Variants in DISP3 observed in about 807,000 individuals in gnomAD.
DISP3 encodes protein dispatched homolog 3.
In DISP3, 101 loss-of-function variants were observed where a neutral mutation model predicts 135.3. The observed-to-expected ratio is 0.75, with a 90% CI of 0.64 to 0.88. The LOEUF (loss-of-function observed/expected upper bound fraction) is 0.88. DISP3 is among the 40% of genes least tolerant of loss of function. DISP3 has a pLI of 0.00. For missense variants in DISP3, 1,713 were observed against 1,878.6 expected, an observed-to-expected ratio of 0.91 and a Z score of 1.63; for synonymous variants, 856 against 817.0, an observed-to-expected ratio of 1.05 and a Z score of -0.81.
At chr1:11,528,264 C>T (rs185783441) in intron 13 of DISP3, among the ~76,000 whole-genome samples, 17 of 152,330 alleles carry the variant, frequency 1.1e-4, no homozygotes, top group Non-Finnish European at 1.8e-4. Context: ...AGTGTGAAGT[C>T]GGGTCCCTAC....
At chr1:11,479,876 C>A (rs1335822511) in intron 1 of DISP3, among the ~76,000 whole-genome samples, 2 of 152,104 alleles carry the variant, frequency 1.3e-5, no homozygotes, top group African/African-American at 4.8e-5. Flanking sequence ...GACATTTCCC[C>A]GATTAACCTG....
Position 11,517,451 on chromosome 1 carries a change from T to G in DISP3, c.1750-12T>G. 6.2e-7 allele frequency: 1 copy of G among 1,613,642 alleles called. No individual in the cohort carries two copies. Among genetic ancestry groups the G allele is most frequent in the Non-Finnish European group, 8.5e-7 (1 of 1,179,580 alleles). On this transcript the variant is annotated splice_polypyrimidine_tract_variant and intron_variant, in intron 6 of 20. Coordinates refer to ENST00000294484, the MANE Select transcript of DISP3 (RefSeq NM_020780.2). Reference sequence around the variant, plus strand: ...ACCTGTCCCACATCCCTCTCTTCCTTTCCATCACCAGATCCCAGCCGTCCA... The same window carrying G: ...ACCTGTCCCACATCCCTCTCTTCCTGTCCATCACCAGATCCCAGCCGTCCA...
intron 1 of DISP3, among the ~76,000 whole-genome samples, chr1:11,485,327 G>A (rs1369737657): frequency 1.3e-5 from 2 of 152,190 alleles, no homozygotes; most frequent in Non-Finnish European, 2.9e-5. Context: ...TTGGTAGGAG[G>A]AGGGTGCAGT....
chr1:11,487,210 G>A (rs1641060846), intron 1 of DISP3, among the ~76,000 whole-genome samples: 1 of 152,188 alleles, frequency 6.6e-6, no homozygotes, highest in South Asian at 2.1e-4. Flanking sequence ...CCCACCCCAG[G>A]AAAAGCTGAG....
intron 6 of DISP3, among the ~76,000 whole-genome samples, chr1:11,517,193 G>C (rs1642036536): frequency 6.6e-6 from 1 of 152,208 alleles, no homozygotes; most frequent in Non-Finnish European, 1.5e-5. Context: ...TCTGTGCCAG[G>C]CACTGTTCTG....
chr1:11,527,096 G>C (rs1553156755), intron 13 of DISP3, among the ~76,000 whole-genome samples: 1 of 152,074 alleles, frequency 6.6e-6, no homozygotes, highest in Non-Finnish European at 1.5e-5. Flanking sequence ...ACTGGTACCT[G>C]CTTAATTTTT....
At position 11,526,834 on chromosome 1, in the gene DISP3, C is replaced by G. The variant is rs368259493; in HGVS notation, c.2797C>G (p.Arg933Gly). The G allele has an allele frequency of 1.3e-6, 2 of 1,598,116 alleles. No homozygotes were observed. The highest frequency in any genetic ancestry group is 8.5e-7 in the Non-Finnish European group (1 of 1,176,282). Residue 933 changes from arginine to glycine, a missense_variant and splice_region_variant, in exon 13 of 21, where the codon CGG becomes GGG. Arg to Gly is a moderately radical substitution (Grantham distance 125, BLOSUM62 -2). Around this residue, in one of 2 missense-constraint regions of DISP3, gnomAD observed 1,142 missense variants for 1,384.6 expected, o/e 0.82. Coordinates refer to ENST00000294484, the MANE Select transcript of DISP3 (RefSeq NM_020780.2). ...GGCCACCAAGGAGCAGCAGCACACC[C>G]GGTAACAGAGCCTGGCAGACAAGCC... ...YVATKEQQHTRKLYFAQSHKP... is the reference protein window; with the variant it reads ...YVATKEQQHTGKLYFAQSHKP...
At position 11,519,933 on chromosome 1, in the gene DISP3, A is replaced by C; in HGVS notation, c.2200+53A>C. The stretch of plus-strand genomic sequence containing the variant: ...TGTCTCACAGCTCCACCCCCAAAAC[A>C]CACAGGAACTGGGAGCCCACCCCCT... On this transcript the variant is annotated intron_variant, in intron 9 of 20. Transcript: ENST00000294484. The surrounding 1 kb of genome is among the most constrained non-coding windows in gnomAD (Gnocchi z 4.3). 1.3e-6 allele frequency: 2 copies of C among 1,531,242 alleles called. No individual in the cohort carries two copies. The highest frequency in any genetic ancestry group is 1.2e-5 in the South Asian group (1 of 83,822). 94.9% of individuals were successfully genotyped at this position (1,531,242 alleles called of 1,614,324 possible). A position where few individuals can be genotyped will look rare whatever the true frequency, so the allele number is the denominator to read the frequency against.
chr1:11,494,661 A>G (rs572610083), intron 1 of DISP3, among the ~76,000 whole-genome samples: 1 of 152,330 alleles, frequency 6.6e-6, no homozygotes, highest in East Asian at 1.9e-4. Flanking sequence ...CAAGGGTAAG[A>G]GAATCAAAGA....
chr1:11,531,096 G>C lies in DISP3; in HGVS notation c.3229+63G>C. Reference sequence around the variant, plus strand: ...GATGGACTGACTGGGGAGGCACAGAGGCCGTGGTCCAAGGTAGACAGCCCG... The same window carrying C: ...GATGGACTGACTGGGGAGGCACAGACGCCGTGGTCCAAGGTAGACAGCCCG... On this transcript the variant is annotated intron_variant, in intron 16 of 20. Transcript: ENST00000294484. The surrounding 1 kb of genome is among the most constrained non-coding windows in gnomAD (Gnocchi z 5.2). 1 of 1,600,876 alleles carries C rather than the reference G, an allele frequency of 6.2e-7. No homozygotes were observed. The highest frequency in any genetic ancestry group is 2.2e-5 in the East Asian group (1 of 44,784).
chr1:11,521,898 A>C (rs1014917370), intron 10 of DISP3, among the ~76,000 whole-genome samples: 8 of 152,096 alleles, frequency 5.3e-5, no homozygotes, highest in Non-Finnish European at 1.0e-4. Context: ...TAAGTGGAGA[A>C]GCGGGGTGAG....
chr1:11,519,390 A>T lies in DISP3; in HGVS notation c.1925A>T (p.His642Leu). The T allele has an allele frequency of 6.2e-7, 1 of 1,613,568 alleles. No homozygotes were observed. The highest frequency in any genetic ancestry group is 8.5e-7 in the Non-Finnish European group (1 of 1,179,900). The change falls in exon 8 of 21, where the codon CAC (histidine) becomes CTC (leucine). Residue 642 changes from histidine (H) to leucine (L), a missense_variant. His to Leu is a moderately conservative substitution (Grantham distance 99, BLOSUM62 -3). This residue lies in a region of DISP3 where 1,142 missense variants were observed against 1,384.6 expected (regional missense o/e 0.82). Transcript: ENST00000294484. This position sits in a 1 kb window ranked among gnomAD's most constrained non-coding sequence, Gnocchi z 4.3. ...HQNCSRKTSL[H>L]FPGDVFAAPE... ...AATTGCAGCCGGAAGACCTCCCTGC[A>T]CTTCCCCGGAGACGTGTTTGCCGCT... is the stretch of plus-strand genomic sequence containing the variant.
chr1:11,502,624 G>T, intron 2 of DISP3, 54 bp from the exon 3 acceptor site: 1 of 1,431,484 alleles, frequency 7.0e-7, no homozygotes, highest in Non-Finnish European at 9.7e-7. Context: ...TTGAGGGAGG[G>T]TTGGTGGGAG....
chr1:11,535,118 A>G lies in DISP3; in HGVS notation c.3643A>G (p.Ile1215Val), dbSNP rs1378907903. The G allele has an allele frequency of 6.2e-7, 1 of 1,605,096 alleles. No homozygotes were observed. The highest frequency in any genetic ancestry group is 8.5e-7 in the Non-Finnish European group (1 of 1,176,804). The part of the protein sequence containing the change: ...ILLLLPVLLS[I>V]LGIVCLVVTI... ...GCTCCTGCTGCCCGTGCTCCTCAGCATCTTGGGTACGTGGGCGAGGGGCTG... is the reference window on the plus strand; with the variant it reads ...GCTCCTGCTGCCCGTGCTCCTCAGCGTCTTGGGTACGTGGGCGAGGGGCTG... Residue 1215 changes from isoleucine to valine, a missense_variant, in exon 19 of 21, where the codon ATC (isoleucine) becomes GTC (valine). By Grantham distance (29) the Ile-to-Val change is conservative. Transcript: ENST00000294484.
intron 17 of DISP3, among the ~76,000 whole-genome samples, 187 bp from the exon 18 acceptor site, chr1:11,534,194 C>G (rs1007194264): frequency 6.6e-6 from 1 of 152,220 alleles, no homozygotes; most frequent in African/African-American, 2.4e-5. Flanking sequence ...TGGATCAGTG[C>G]TGCTGTCACA....
At chr1:11,489,986 TTTTATC>T (rs1475370955) in intron 1 of DISP3, among the ~76,000 whole-genome samples, 1 of 152,132 alleles carries the variant, frequency 6.6e-6, no homozygotes, top group Non-Finnish European at 1.5e-5. Context: ...GTTGGGATCT[TTTTATC>T]TTTTATTAAC....
chr1:11,525,231 C>T lies in DISP3; in HGVS notation c.2532C>T (p.Val844=). Residue 844 remains valine, a synonymous_variant, in exon 12 of 21, where the codon GTC becomes GTT. Coordinates refer to ENST00000294484, the MANE Select transcript of DISP3 (RefSeq NM_020780.2). ...TGAAGAGTCAAGGCCACCCCGCTGT[C>T]TACAGGCTCTCCCTCAATGCCAGCC... ...SKVKSQGHPA[V]YRLSLNASLP... 6.2e-7 allele frequency: 1 copy of T among 1,614,112 alleles called. No homozygotes were observed. The highest frequency in any genetic ancestry group is 8.5e-7 in the Non-Finnish European group (1 of 1,179,972).
chr1:11,502,071 A>C lies in DISP3; in HGVS notation c.1079A>C (p.Asp360Ala). 1 of 1,566,170 alleles carries C rather than the reference A, an allele frequency of 6.4e-7. No homozygotes were observed. The highest frequency in any genetic ancestry group is 8.7e-7 in the Non-Finnish European group (1 of 1,155,026). Residue 360 changes from aspartate to alanine, a missense_variant, in exon 2 of 21, where the codon GAC becomes GCC. Asp to Ala is a moderately radical substitution (Grantham distance 126). Around this residue, in one of 2 missense-constraint regions of DISP3, gnomAD observed 571 missense variants for 494.1 expected, o/e 1.16. Coordinates refer to ENST00000294484, the MANE Select transcript of DISP3 (RefSeq NM_020780.2). ...GKIYYDGMGQ[D>A]LADIRGSLEL... ...ATCTACTATGACGGCATGGGCCAGG[A>C]CCTGGCGGACATCCGGGGTGAGCCG...
intron 18 of DISP3, 80 bp downstream of exon 18, chr1:11,534,620 G>T: frequency 6.7e-7 from 1 of 1,502,152 alleles, no homozygotes. Context: ...AGAGCGGCCT[G>T]AGTCACAATC....
Sources: gnomAD v4.1 joint callset for allele counts (sites outside exome capture counted in the v4.1 genomes callset) on GRCh38, gnomAD v4.1.1 for gene constraint, gnomAD v4.1.1 regional missense constraint, Gnocchi (gnomAD v3.1) non-coding constraint, MANE v1.5 for transcripts, NCBI Gene and HGNC (gene_info 2026-07-23, HGNC 2026-07-21) for gene names.